The following GPC6 variants were observed in gnomAD, a reference collection of about 807,000 sequenced individuals.
The protein encoded by GPC6 is glypican 6.
In GPC6, 14 loss-of-function variants were observed where a neutral mutation model predicts 55.2. The ratio of observed to expected loss-of-function variants is 0.25; its 90% confidence interval spans 0.17 to 0.40. The LOEUF (loss-of-function observed/expected upper bound fraction) is 0.40, where lower values mean the gene tolerates loss of function less well. Among genes scored for constraint, GPC6 ranks in the 10% least tolerant of loss-of-function variants. The pLI is 1.00. For missense variants in GPC6, 641 were observed against 708.5 expected, an observed-to-expected ratio of 0.90 and a Z score of 1.08; for synonymous variants, 278 against 259.6, an observed-to-expected ratio of 1.07 and a Z score of -0.68.
chr13:93,253,205 TAAA>T lies in GPC6; in HGVS notation c.160+25590_160+25592del, dbSNP rs1182278411. Among the ~76,000 whole-genome samples, 8 of 152,264 alleles carry T rather than the reference TAAA, an allele frequency of 5.3e-5. 1 individual carries two copies. Among genetic ancestry groups the T allele is most frequent in the African/African-American group, 1.9e-4 (8 of 41,556 alleles). Reference sequence around the variant, plus strand: ...AATGGCAGTGACATTTCCTGGGAGATAAAGAAGTTGATATAGAGGAAATTTAGT... The same window carrying T: ...AATGGCAGTGACATTTCCTGGGAGATGAAGTTGATATAGAGGAAATTTAGT... On this transcript the variant is annotated intron_variant, in intron 1 of 8. Transcript: ENST00000377047.
At chr13:93,669,214 A>C (rs977588672) in intron 2 of GPC6, among the ~76,000 whole-genome samples, 2 of 152,106 alleles carry the variant, frequency 1.3e-5, no homozygotes, top group African/African-American at 4.8e-5. Flanking sequence ...TTTTTACTTC[A>C]TGGAAAGAAA....
intron 4 of GPC6, among the ~76,000 whole-genome samples, chr13:94,174,965 A>G (rs1186519035): frequency 4.6e-5 from 7 of 152,142 alleles, no homozygotes; most frequent in Non-Finnish European, 1.0e-4. Flanking sequence ...CAAGATACAG[A>G]GCATCTCCAG....
intron 2 of GPC6, among the ~76,000 whole-genome samples, chr13:93,596,602 AATAAATAAATATATAT>A (rs1204712209): frequency 5.9e-4 from 49 of 82,754 alleles, no homozygotes; most frequent in African/African-American, 2.1e-3. Flanking sequence ...TAAATAAATA[AATAAATAAATATATAT>A]ATATATATAT....
Position 93,870,923 on chromosome 13 carries a change from A to G in GPC6, c.711+40378A>G, listed in dbSNP as rs918378811. Among the ~76,000 whole-genome samples, 3 of 151,958 alleles carry G rather than the reference A, an allele frequency of 2.0e-5. No individual in the cohort carries two copies. In the South Asian group the frequency reaches 6.2e-4, roughly 32 times the overall value. On this transcript the variant is annotated intron_variant, in intron 3 of 8. Transcript: ENST00000377047. ...ATGTGAGTCACCACACATGGCCTCT[A>G]TGGTAACTTATTTGAATTTACTTTG... is the stretch of plus-strand genomic sequence containing the variant.
chr13:93,441,844 C>T (rs1231437548), intron 1 of GPC6, among the ~76,000 whole-genome samples: 1 of 152,138 alleles, frequency 6.6e-6, no homozygotes, highest in Non-Finnish European at 1.5e-5. Flanking sequence ...ATGATCACAG[C>T]TCACTGCAGC....
At chr13:93,990,504 C>T (rs980073315) in intron 3 of GPC6, among the ~76,000 whole-genome samples, 2 of 151,910 alleles carry the variant, frequency 1.3e-5, no homozygotes, top group African/African-American at 4.8e-5. Context: ...ACAGGAGGTA[C>T]TATTTGCATA....
chr13:94,105,592 A>G (rs934871653), intron 4 of GPC6, among the ~76,000 whole-genome samples: 12 of 152,222 alleles, frequency 7.9e-5, no homozygotes, highest in Admixed American at 7.9e-4. Flanking sequence ...GACAGGCTGA[A>G]GGAAGGTGAG....
intron 2 of GPC6, among the ~76,000 whole-genome samples, chr13:93,781,591 C>G (rs1885652966): frequency 6.6e-6 from 1 of 152,030 alleles, no homozygotes; most frequent in Admixed American, 6.6e-5. Context: ...AGAAGAGGAG[C>G]CTTTCAAAGG....
intron 2 of GPC6, among the ~76,000 whole-genome samples, chr13:93,771,055 T>G (rs1208093265): frequency 6.6e-6 from 1 of 152,206 alleles, no homozygotes; most frequent in Non-Finnish European, 1.5e-5. Flanking sequence ...TCAAGCCATT[T>G]GCTCATTCAG....
intron 4 of GPC6, among the ~76,000 whole-genome samples, chr13:94,179,063 G>C (rs1888895185): frequency 6.6e-6 from 1 of 152,148 alleles, no homozygotes; most frequent in African/African-American, 2.4e-5. Context: ...TTCAGGCTTT[G>C]AATCTGGCTC....
At chr13:93,497,355 G>A (rs981752992) in intron 1 of GPC6, among the ~76,000 whole-genome samples, 20 of 152,118 alleles carry the variant, frequency 1.3e-4, no homozygotes, top group African/African-American at 4.3e-4. Flanking sequence ...AGCAGCCAGG[G>A]GCAGGTCATA....
chr13:93,812,482 G>A, intron 2 of GPC6, among the ~76,000 whole-genome samples: 1 of 151,876 alleles, frequency 6.6e-6, no homozygotes, highest in East Asian at 1.9e-4. Flanking sequence ...GGATATACAG[G>A]TTTTACAAGA....
Position 94,364,619 on chromosome 13 carries a change from G to A in GPC6, c.1153-17795G>A, listed in dbSNP as rs138570120. Among the ~76,000 whole-genome samples the A allele has an allele frequency of 5.4e-4, 82 of 152,168 alleles. No individual in the cohort carries two copies. The East Asian group carries it at 6.4e-3, about 12-fold the overall frequency. On this transcript the variant is annotated intron_variant, in intron 6 of 8. Transcript: ENST00000377047. ...AATGTGTGAGCCATTTTTAATGCTC[G>A]TTTATGTGTATATATCATCTTTCCT...
intron 1 of GPC6, among the ~76,000 whole-genome samples, chr13:93,523,532 G>A (rs548256971): frequency 2.0e-5 from 3 of 150,854 alleles, no homozygotes; most frequent in East Asian, 3.9e-4. Context: ...TGTGTAAAAT[G>A]TCATTGTATA....
intron 1 of GPC6, among the ~76,000 whole-genome samples, chr13:93,451,985 T>C (rs977099362): frequency 1.3e-5 from 2 of 152,146 alleles, no homozygotes; most frequent in Non-Finnish European, 2.9e-5. Flanking sequence ...ATGCTAACAA[T>C]AAAAAATAAT....
chr13:93,268,851 C>A (rs1284884662), intron 1 of GPC6, among the ~76,000 whole-genome samples: 7 of 152,108 alleles, frequency 4.6e-5, no homozygotes, highest in Non-Finnish European at 1.5e-5. Context: ...CACTTCTATG[C>A]TCTCTTCTCT....
At chr13:94,385,130 C>G (rs1041547570) in intron 7 of GPC6, among the ~76,000 whole-genome samples, 1 of 152,018 alleles carries the variant, frequency 6.6e-6, no homozygotes, top group Non-Finnish European at 1.5e-5. Flanking sequence ...GTCCCAGCTA[C>G]TTAGGAAGCT....
chr13:93,730,390 G>T (rs1235934358), intron 2 of GPC6, among the ~76,000 whole-genome samples: 1 of 152,150 alleles, frequency 6.6e-6, no homozygotes, highest in Non-Finnish European at 1.5e-5. Context: ...ACTCTCACTT[G>T]CTTTTTGATT....
intron 4 of GPC6, among the ~76,000 whole-genome samples, chr13:94,084,280 A>G (rs1395718853): frequency 6.6e-6 from 1 of 152,192 alleles, no homozygotes; most frequent in Non-Finnish European, 1.5e-5. Context: ...AAACTGAATC[A>G]TTATTAGAAA....
Sources: allele counts gnomAD v4.1 joint callset (sites outside exome capture counted in the v4.1 genomes callset), GRCh38; gene constraint gnomAD v4.1.1; transcripts MANE v1.5; gene names NCBI Gene and HGNC (gene_info 2026-07-23, HGNC 2026-07-21).